PREX1: variants seen among roughly 807,000 people sequenced by gnomAD.
PREX1 encodes the protein phosphatidylinositol 3,4,5-trisphosphate-dependent Rac exchanger 1 protein.
Under a neutral mutation model 198.3 loss-of-function variants are expected in PREX1, and 41 were observed. The observed-to-expected ratio is 0.21, with a 90% CI of 0.16 to 0.27. PREX1 has a LOEUF of 0.27. PREX1 is among the 10% of genes least tolerant of loss of function. The pLI is 1.00. For synonymous variants in PREX1, 843 were observed against 887.2 expected, an observed-to-expected ratio of 0.95 and a Z score of 0.89; for missense variants, 1,620 against 2,200.7, an observed-to-expected ratio of 0.74 and a Z score of 5.28.
chr20:48,825,778 T>C (rs1346386490), intron 1 of PREX1, among the ~76,000 whole-genome samples: 1 of 151,754 alleles, frequency 6.6e-6, no homozygotes, highest in Non-Finnish European at 1.5e-5. Context: ...TCCCTAGAAT[T>C]TGACATTGCT....
At chr20:48,663,140 C>T (rs1469762702) in intron 15 of PREX1, among the ~76,000 whole-genome samples, 1 of 152,202 alleles carries the variant, frequency 6.6e-6, no homozygotes, top group Non-Finnish European at 1.5e-5. Flanking sequence ...AGTCCTATTC[C>T]CACAGAACTC....
intron 13 of PREX1, 100 bp from the exon 14 acceptor site, chr20:48,676,368 T>A (rs1255134531): frequency 9.3e-7 from 1 of 1,077,256 alleles, no homozygotes; most frequent in Non-Finnish European, 1.4e-6. Flanking sequence ...GAGTCAAGGA[T>A]CTCCAGGCTC....
At chr20:48,779,732 A>C (rs1263353792) in intron 1 of PREX1, among the ~76,000 whole-genome samples, 2 of 152,220 alleles carry the variant, frequency 1.3e-5, no homozygotes, top group Non-Finnish European at 2.9e-5. Flanking sequence ...ATGGTGACTG[A>C]AAGAAGCCAG....
At chr20:48,631,143 T>C (rs1473889480) in intron 35 of PREX1, among the ~76,000 whole-genome samples, 1 of 152,204 alleles carries the variant, frequency 6.6e-6, no homozygotes, top group Admixed American at 6.5e-5. Flanking sequence ...GGTTTACTGT[T>C]CGTCTCCCCC....
At chr20:48,749,257 T>C (rs2090123259) in intron 1 of PREX1, among the ~76,000 whole-genome samples, 1 of 152,120 alleles carries the variant, frequency 6.6e-6, no homozygotes, top group South Asian at 2.1e-4. Flanking sequence ...AAGGAATTCA[T>C]GGTGCTGTCA....
chr20:48,771,254 G>C (rs565496165), intron 1 of PREX1, among the ~76,000 whole-genome samples: 1 of 150,998 alleles, frequency 6.6e-6, no homozygotes, highest in Non-Finnish European at 1.5e-5. Flanking sequence ...TTCCCTATCC[G>C]ACCTTTAGGT....
intron 18 of PREX1, 140 bp downstream of exon 18, chr20:48,656,900 T>A (rs1487244657): frequency 8.3e-7 from 1 of 1,202,256 alleles, no homozygotes; most frequent in Non-Finnish European, 1.1e-6. Context: ...GCCGAATTAA[T>A]GAAGGTCCAG....
At chr20:48,671,265 A>C (rs1322096280) in intron 14 of PREX1, among the ~76,000 whole-genome samples, 3 of 152,228 alleles carry the variant, frequency 2.0e-5, no homozygotes, top group African/African-American at 7.2e-5. Flanking sequence ...ACAGAAAGAA[A>C]AAATGTTCTC....
At chr20:48,824,920 C>T (rs1179791992) in intron 1 of PREX1, among the ~76,000 whole-genome samples, 1 of 152,124 alleles carries the variant, frequency 6.6e-6, no homozygotes, top group African/African-American at 2.4e-5. Context: ...CAGGGTGGTC[C>T]TTTAAGGCCT....
At chr20:48,820,580 G>A (rs1026597373) in intron 1 of PREX1, among the ~76,000 whole-genome samples, 2 of 152,198 alleles carry the variant, frequency 1.3e-5, no homozygotes, top group East Asian at 1.9e-4. Context: ...GCCCCCACAC[G>A]ATCTGAGAGC....
chr20:48,744,110 C>T (rs1274276844), intron 3 of PREX1, among the ~76,000 whole-genome samples: 6 of 152,158 alleles, frequency 3.9e-5, no homozygotes, highest in African/African-American at 7.2e-5. Context: ...TCAGATGATT[C>T]TCTGTTGTCG....
At chr20:48,662,595 C>T (rs56125202) in intron 15 of PREX1, among the ~76,000 whole-genome samples, 23,921 of 152,156 alleles carry the variant, frequency 0.16, 2,216 homozygotes, top group Middle Eastern at 0.3. Flanking sequence ...GAGGGCCGGA[C>T]CCCTGGTCAG....
At chr20:48,738,989 G>A (rs116890407) in intron 3 of PREX1, among the ~76,000 whole-genome samples, 2 of 152,276 alleles carry the variant, frequency 1.3e-5, no homozygotes, top group East Asian at 1.9e-4. Context: ...GGAGAGGGGG[G>A]TTAAAACAGA....
chr20:48,634,163 GATGGATGGATGC>G (rs757089192), intron 33 of PREX1, among the ~76,000 whole-genome samples: 8,856 of 118,212 alleles, frequency 0.075, 313 homozygotes, highest in Middle Eastern at 0.18. Context: ...TGGATGGATG[GATGGATGGATGC>G]ATGGATGGAT....
At position 48,681,644 on chromosome 20, in the gene PREX1, C is replaced by T. The variant is rs186516112; in HGVS notation, c.1335-309G>A. Among the ~76,000 whole-genome samples the T allele has an allele frequency of 1.8e-3, 277 of 150,006 alleles. 4 individuals are homozygous for T. The highest frequency in any genetic ancestry group is 6.7e-3 in the African/African-American group (270 of 40,530). On this transcript the variant is annotated intron_variant, in intron 10 of 39. Coordinates refer to ENST00000371941, the MANE Select transcript of PREX1 (RefSeq NM_020820.4). ...GGAGAGAGGGAAGGAGGGAAGGAAG[C>T]TGGGCAGGCAGGTTGGTGGATGAGT...
At chr20:48,758,769 G>A (rs1382805621) in intron 1 of PREX1, among the ~76,000 whole-genome samples, 1 of 152,182 alleles carries the variant, frequency 6.6e-6, no homozygotes, top group Non-Finnish European at 1.5e-5. Flanking sequence ...AACAGCTGGG[G>A]CAAAGGCCCC....
At chr20:48,755,703 A>G (rs965204789) in intron 1 of PREX1, among the ~76,000 whole-genome samples, 1 of 152,166 alleles carries the variant, frequency 6.6e-6, no homozygotes, top group Non-Finnish European at 1.5e-5. Context: ...GCCCTGGGTC[A>G]CCTATAATTA....
Position 48,826,836 on chromosome 20 carries a change from G to A in PREX1, c.219+806C>T, listed in dbSNP as rs541222854. The stretch of plus-strand genomic sequence containing the variant: ...ATTGCGCCACTGTACTCCAGCCTGG[G>A]TGACTGAGGGAGACTCCGTCTCAAA... On this transcript the variant is annotated intron_variant, in intron 1 of 39. Coordinates refer to ENST00000371941, the MANE Select transcript of PREX1 (RefSeq NM_020820.4). Among the ~76,000 whole-genome samples, 9 of 152,316 alleles carry A rather than the reference G, an allele frequency of 5.9e-5. No individual in the cohort carries two copies. In the East Asian group the frequency reaches 1.7e-3, roughly 29 times the overall value.
At chr20:48,676,043 A>G in intron 14 of PREX1, 150 bp downstream of exon 14, 1 of 836,560 alleles carries the variant, frequency 1.2e-6, no homozygotes, top group Non-Finnish European at 1.8e-6. Flanking sequence ...TCTCAAGAAA[A>G]AAAAAAAAAA....
Sources: allele counts gnomAD v4.1 joint callset (sites outside exome capture counted in the v4.1 genomes callset), GRCh38; gene constraint gnomAD v4.1.1; transcripts MANE v1.5; gene names NCBI Gene and HGNC (gene_info 2026-07-23, HGNC 2026-07-21).